The following CHODL variants were observed in gnomAD, a reference collection of about 807,000 sequenced individuals.
CHODL encodes transmembrane protein MT75.
In CHODL, 29 loss-of-function variants were observed where a neutral mutation model predicts 34.5. The observed-to-expected ratio is 0.84, with a 90% CI of 0.63 to 1.15. The LOEUF is 1.15. Among genes scored for constraint, CHODL ranks in the 50% most tolerant of loss-of-function variants. The pLI is 0.00. For missense variants in CHODL, 332 were observed against 332.5 expected, an observed-to-expected ratio of 1.00 and a Z score of 0.01; for synonymous variants, 125 against 116.1, an observed-to-expected ratio of 1.08 and a Z score of -0.49.
intron 1 of CHODL, among the ~76,000 whole-genome samples, chr21:17,971,920 CT>C (rs1357711194): frequency 6.6e-6 from 1 of 152,174 alleles, no homozygotes; most frequent in African/African-American, 2.4e-5. Flanking sequence ...CAATAAAATA[CT>C]GGCAAACTGA....
chr21:18,168,642 G>C lies in CHODL; in HGVS notation c.-44-87867G>C, dbSNP rs948290279. On this transcript the variant is annotated intron_variant, in intron 2 of 6. Coordinates refer to the CHODL transcript ENST00000400127. ...GTGGTTGTCTTTTTATTGTTGAATT[G>C]TAAGAGTTCTTTATATATTCTGGAT... Among the ~76,000 whole-genome samples, 16 of 152,258 alleles carry C rather than the reference G, an allele frequency of 1.1e-4. 1 individual carries two copies. In the South Asian group the frequency reaches 1.7e-3, roughly 16 times the overall value.
intron 2 of CHODL, among the ~76,000 whole-genome samples, chr21:18,204,556 A>G (rs2073691767): frequency 6.6e-6 from 1 of 152,158 alleles, no homozygotes; most frequent in Non-Finnish European, 1.5e-5. Context: ...AAATAGGTAA[A>G]TAAATGTCAG....
chr21:18,048,684 T>C (rs1378609635), intron 2 of CHODL, among the ~76,000 whole-genome samples: 1 of 151,994 alleles, frequency 6.6e-6, no homozygotes, highest in Non-Finnish European at 1.5e-5. Context: ...TGAATAATGC[T>C]TTCAATTGAG....
At chr21:18,093,014 C>T (rs2146532200) in intron 2 of CHODL, among the ~76,000 whole-genome samples, 1 of 152,092 alleles carries the variant, frequency 6.6e-6, no homozygotes, top group African/African-American at 2.4e-5. Context: ...CAGATTGATC[C>T]CAAAGAAGAC....
intron 2 of CHODL, among the ~76,000 whole-genome samples, chr21:18,233,323 A>G (rs2146758814): frequency 6.6e-6 from 1 of 152,192 alleles, no homozygotes; most frequent in East Asian, 1.9e-4. Flanking sequence ...CTAGAGCCAG[A>G]CTGCCTGGGT....
At chr21:18,032,628 C>T (rs1253472349) in intron 2 of CHODL, among the ~76,000 whole-genome samples, 2 of 152,060 alleles carry the variant, frequency 1.3e-5, no homozygotes, top group Admixed American at 6.6e-5. Context: ...ATGTGATCCC[C>T]TTACTGGAGC....
intron 2 of CHODL, among the ~76,000 whole-genome samples, chr21:18,043,290 T>A (rs1341714415): frequency 6.6e-6 from 1 of 152,002 alleles, no homozygotes; most frequent in Admixed American, 6.6e-5. Context: ...GCTGTTGTTG[T>A]CCTGATGTTT....
chr21:17,935,423 C>T (rs1468620713), intron 1 of CHODL, among the ~76,000 whole-genome samples: 2 of 152,140 alleles, frequency 1.3e-5, no homozygotes, highest in African/African-American at 2.4e-5. Flanking sequence ...CCACATATAC[C>T]TTCCATTACT....
chr21:17,963,475 G>A (rs1306879634), intron 1 of CHODL, among the ~76,000 whole-genome samples: 8 of 152,172 alleles, frequency 5.3e-5, no homozygotes, highest in East Asian at 1.9e-4. Context: ...GAGGGGCAAA[G>A]GCACATCTTA....
chr21:18,089,011 C>T (rs966409295), intron 2 of CHODL, among the ~76,000 whole-genome samples: 2 of 152,170 alleles, frequency 1.3e-5, no homozygotes. Flanking sequence ...TGTGCATTCA[C>T]CTCCTCCTGA....
chr21:18,136,928 C>G (rs769902147), intron 2 of CHODL, among the ~76,000 whole-genome samples: 29 of 151,728 alleles, frequency 1.9e-4, no homozygotes, highest in Non-Finnish European at 3.8e-4. Context: ...CCATGACATA[C>G]AGAAAAAAGA....
chr21:18,030,712 A>G (rs935614935), intron 2 of CHODL, among the ~76,000 whole-genome samples: 5 of 152,132 alleles, frequency 3.3e-5, no homozygotes, highest in African/African-American at 2.4e-5. Context: ...TCTCTTTAGG[A>G]TTCTGGAAAA....
At chr21:18,194,687 T>C (rs939611531) in intron 2 of CHODL, among the ~76,000 whole-genome samples, 2 of 152,042 alleles carry the variant, frequency 1.3e-5, no homozygotes, top group African/African-American at 4.8e-5. Flanking sequence ...CATTTTCACA[T>C]AGGTATACAT....
intron 1 of CHODL, among the ~76,000 whole-genome samples, chr21:17,940,045 T>C (rs1254115259): frequency 6.6e-6 from 1 of 152,202 alleles, no homozygotes; most frequent in Non-Finnish European, 1.5e-5. Context: ...GTGTTTGCTG[T>C]TGCTGTCTTG....
At chr21:18,161,988 T>TA (rs1399435786) in intron 2 of CHODL, among the ~76,000 whole-genome samples, 1 of 152,182 alleles carries the variant, frequency 6.6e-6, no homozygotes, top group Non-Finnish European at 1.5e-5. Flanking sequence ...CACATGTTAT[T>TA]ACCACCCACA....
chr21:18,226,129 CAAT>C (rs2073929149), intron 2 of CHODL, among the ~76,000 whole-genome samples: 1 of 152,050 alleles, frequency 6.6e-6, no homozygotes, highest in African/African-American at 2.4e-5. Context: ...GCTCTTGTTA[CAAT>C]AGCTGTGATG....
chr21:18,028,758 T>G (rs1027597104), intron 2 of CHODL, among the ~76,000 whole-genome samples: 8 of 149,470 alleles, frequency 5.4e-5, no homozygotes, highest in African/African-American at 2.0e-4. Flanking sequence ...CTCCAGTGGC[T>G]GGACAGTTAC....
At chr21:18,072,055 A>G (rs2064811951) in intron 2 of CHODL, among the ~76,000 whole-genome samples, 1 of 152,104 alleles carries the variant, frequency 6.6e-6, no homozygotes, top group Non-Finnish European at 1.5e-5. Flanking sequence ...GCAGATCTTA[A>G]CATTCTTAAT....
intron 1 of CHODL, among the ~76,000 whole-genome samples, chr21:18,251,475 A>ATTTATTTATT (rs1191333540): frequency 1.6e-5 from 2 of 123,198 alleles, no homozygotes; most frequent in African/African-American, 6.6e-5. Context: ...TATTTTAATT[A>ATTTATTTATT]TTTATTTTAA....
Sources: gnomAD v4.1 joint callset for allele counts (sites outside exome capture counted in the v4.1 genomes callset) on GRCh38, gnomAD v4.1.1 for gene constraint, MANE v1.5 for transcripts, NCBI Gene and HGNC (gene_info 2026-07-23, HGNC 2026-07-21) for gene names.